The following ATP10B variants were observed in gnomAD, a reference collection of about 807,000 sequenced individuals.
ATP10B encodes the protein phospholipid-transporting ATPase VB.
A neutral mutation model predicts 141.2 loss-of-function variants in ATP10B; 122 were observed. The ratio of observed to expected loss-of-function variants is 0.86; its 90% CI spans 0.75 to 1.00. The LOEUF is 1.00. ATP10B is among the 50% of genes least tolerant of loss of function. The pLI, the probability that ATP10B is intolerant of heterozygous loss-of-function variation, is 0.00. For missense variants in ATP10B, 1,876 were observed against 1,825.3 expected, an observed-to-expected ratio of 1.03 and a Z score of -0.51; for synonymous variants, 685 against 692.0, an observed-to-expected ratio of 0.99 and a Z score of 0.16.
At chr5:160,757,954 T>C (rs1768753022) in intron 2 of ATP10B, among the ~76,000 whole-genome samples, 1 of 152,176 alleles carries the variant, frequency 6.6e-6, no homozygotes, top group South Asian at 2.1e-4. Flanking sequence ...CAACCAAAAA[T>C]GTCTCCAGAC....
the ATP10B span, among the ~76,000 whole-genome samples, chr5:160,896,068 G>C: frequency 6.6e-6 from 1 of 152,286 alleles, no homozygotes; most frequent in East Asian, 1.9e-4. Context: ...GACATTTATA[G>C]CACTAAATGC....
intron 1 of ATP10B, among the ~76,000 whole-genome samples, chr5:160,837,088 C>T (rs1447387986): frequency 6.6e-6 from 1 of 152,106 alleles, no homozygotes; most frequent in Non-Finnish European, 1.5e-5. Flanking sequence ...AGTCTTCCAC[C>T]TCATCAGTCA....
At chr5:160,809,002 A>G (rs1046429849) in intron 1 of ATP10B, among the ~76,000 whole-genome samples, 2 of 152,096 alleles carry the variant, frequency 1.3e-5, no homozygotes, top group South Asian at 2.1e-4. Flanking sequence ...CATCACCCCA[A>G]TATCTGCTTT....
At chr5:160,643,730 A>C (rs1487468993) in intron 9 of ATP10B, among the ~76,000 whole-genome samples, 1 of 152,234 alleles carries the variant, frequency 6.6e-6, no homozygotes, top group African/African-American at 2.4e-5. Context: ...TGATCCTTAC[A>C]AACACTCTAT....
chr5:160,863,092 G>C, the ATP10B span, among the ~76,000 whole-genome samples: 2 of 151,938 alleles, frequency 1.3e-5, no homozygotes, highest in Non-Finnish European at 2.9e-5. Context: ...GTGCTTATTT[G>C]AACCTCAGGC....
rs370351271 is a variant in ATP10B at position 160,700,531 on chromosome 5, A to C, written c.-204-11588T>G. On this transcript the variant is annotated intron_variant, in intron 3 of 25. Coordinates refer to ENST00000327245, the MANE Select transcript of ATP10B (RefSeq NM_025153.3). ...CTGGACTCTCCATGAAAGGTAAGTG[A>C]TCTCACAGCACATAATTGCTAAGTA... Among the ~76,000 whole-genome samples the C allele has an allele frequency of 9.8e-5, 15 of 152,322 alleles. No homozygotes were observed. In the East Asian group the frequency reaches 1.3e-3, roughly 14 times the overall value.
rs1165302505 is a variant in ATP10B, at chr5:160,716,213, A to G, written c.-205+696T>C. Reference sequence around the variant, plus strand: ...AATAAAAAAATTGTAACATATTTATATAATAGAATATCTAATGGCAGTTAA... The same window carrying G: ...AATAAAAAAATTGTAACATATTTATGTAATAGAATATCTAATGGCAGTTAA... On this transcript the variant is annotated intron_variant, in intron 3 of 25. Transcript: ENST00000327245. Among the ~76,000 whole-genome samples the G allele has an allele frequency of 2.6e-5, 4 of 152,350 alleles. No individual in the cohort carries two copies. In the East Asian group the frequency reaches 7.7e-4, roughly 29 times the overall value.
the ATP10B span, among the ~76,000 whole-genome samples, chr5:160,919,116 C>T: frequency 7.5e-5 from 11 of 146,632 alleles, no homozygotes; most frequent in South Asian, 2.2e-4. Context: ...CCCAGCTACA[C>T]GGGAGGCTGA....
At chr5:160,925,891 T>C in the ATP10B span, among the ~76,000 whole-genome samples, 483 of 152,326 alleles carry the variant, frequency 3.2e-3, 3 homozygotes, top group African/African-American at 0.011. Context: ...GTGCACAGTT[T>C]CCAAGTACCT....
chr5:160,892,936 G>A, the ATP10B span, among the ~76,000 whole-genome samples: 12 of 152,188 alleles, frequency 7.9e-5, no homozygotes, highest in Non-Finnish European at 1.6e-4. Flanking sequence ...CCCGGGAAGT[G>A]CAAGGAGATG....
intron 25 of ATP10B, among the ~76,000 whole-genome samples, chr5:160,569,130 G>A (rs906532218): frequency 6.6e-6 from 1 of 152,128 alleles, no homozygotes; most frequent in Admixed American, 6.6e-5. Context: ...GTCCCTGTAG[G>A]CATTTGAGTA....
upstream of ATP10B, among the ~76,000 whole-genome samples, chr5:160,856,616 A>G (rs1039590283): frequency 4.6e-5 from 7 of 151,834 alleles, no homozygotes; most frequent in Admixed American, 2.0e-4. Flanking sequence ...TCTGTCACTA[A>G]TAAGTATAAT....
chr5:160,693,710 G>C lies in ATP10B; in HGVS notation c.-204-4767C>G, dbSNP rs191984416. Reference sequence around the variant, plus strand: ...TGGGGGATAGTTTTGGGATGAAACTGTTCCACCTCAGATTATCAGGCATTC... The same window carrying C: ...TGGGGGATAGTTTTGGGATGAAACTCTTCCACCTCAGATTATCAGGCATTC... On this transcript the variant is annotated intron_variant, in intron 3 of 25. Transcript: ENST00000327245. Among the ~76,000 whole-genome samples the C allele has an allele frequency of 1.4e-4, 21 of 152,290 alleles. 1 individual carries two copies. The East Asian group carries it at 3.5e-3, about 25-fold the overall frequency.
rs1275586503 is a variant in ATP10B at position 160,714,978 on chromosome 5, A to G, written c.-205+1931T>C. On this transcript the variant is annotated intron_variant, in intron 3 of 25. Coordinates refer to ENST00000327245, the MANE Select transcript of ATP10B (RefSeq NM_025153.3). ...GAGGAGGCAGTCTGCCCGTTCTCAG[A>G]TCTCCAGCTGCGTGCTGGGAGAACC... 1.7e-3 allele frequency among the ~76,000 whole-genome samples: 160 copies of G among 95,016 alleles called. 1 individual carries two copies. Among genetic ancestry groups the G allele is most frequent in the Middle Eastern group, 5.8e-3 (1 of 172 alleles). The allele number at this position is 95,016 out of a possible 152,430, so 62.3% of individuals were successfully genotyped here. A position where few individuals can be genotyped will look rare whatever the true frequency, so the allele number is the denominator to read the frequency against.
At chr5:160,704,691 A>G (rs917640737) in intron 3 of ATP10B, among the ~76,000 whole-genome samples, 6 of 151,530 alleles carry the variant, frequency 4.0e-5, no homozygotes, top group African/African-American at 1.5e-4. Flanking sequence ...CTTCCAATAT[A>G]AGGTTGTTTG....
intron 1 of ATP10B, among the ~76,000 whole-genome samples, chr5:160,830,498 T>C (rs1774987515): frequency 6.6e-6 from 1 of 152,096 alleles, no homozygotes; most frequent in South Asian, 2.1e-4. Context: ...TTTTGAGCCT[T>C]AAAAACCAAT....
the ATP10B span, among the ~76,000 whole-genome samples, chr5:160,872,207 C>G: frequency 3.9e-4 from 59 of 152,222 alleles, no homozygotes; most frequent in African/African-American, 1.4e-3. Flanking sequence ...ACTGGCTATT[C>G]ATGTCCTTAG....
At chr5:160,608,240 C>T (rs574772639) in intron 18 of ATP10B, among the ~76,000 whole-genome samples, 42 of 152,278 alleles carry the variant, frequency 2.8e-4, no homozygotes, top group Non-Finnish European at 4.1e-4. Context: ...TCATCCATGT[C>T]GCTACAAAGG....
At chr5:160,878,404 AC>A in the ATP10B span, among the ~76,000 whole-genome samples, 19 of 151,894 alleles carry the variant, frequency 1.3e-4, no homozygotes, top group Admixed American at 1.1e-3. Flanking sequence ...AAAGACTTAA[AC>A]GTTAGACCTA....
Sources: allele counts gnomAD v4.1 joint callset (sites outside exome capture counted in the v4.1 genomes callset), GRCh38; gene constraint gnomAD v4.1.1; transcripts MANE v1.5; gene names NCBI Gene and HGNC (gene_info 2026-07-23, HGNC 2026-07-21).